Variants in CCT3 observed in about 807,000 individuals in gnomAD.
The protein encoded by CCT3 is T-complex protein 1 subunit gamma.
In CCT3, 10 loss-of-function variants were observed where a neutral mutation model predicts 65.3. That is an observed-to-expected ratio of 0.15 (90% confidence interval 0.09 to 0.26). CCT3 has a LOEUF of 0.26. Ranked by LOEUF, CCT3 falls within the 10% of genes least tolerant of loss-of-function variation. The pLI, the probability that CCT3 is intolerant of heterozygous loss-of-function variation, is 1.00. For synonymous variants in CCT3, 225 were observed against 242.3 expected (o/e 0.93, Z 0.66); for missense variants, 626 against 708.7 (o/e 0.88, Z 1.33).
chr1:156,333,638 T>C lies in CCT3; in HGVS notation c.213A>G (p.Gln71=). The change falls in exon 5 of 14, where the codon CAA becomes CAG. Residue 71 remains glutamine (Q), a synonymous_variant. Coordinates refer to ENST00000295688, the MANE Select transcript of CCT3 (RefSeq NM_005998.5). The part of the protein sequence containing the change: ...NDGNAILREI[Q]VQHPAAKSMI... ...TGGACTTGGCCGCTGGATGCTGGAC[T>C]TGAATCTAAAAAGGTAGATCACTAG... is the stretch of plus-strand genomic sequence containing the variant. 1.9e-6 allele frequency: 3 copies of C among 1,613,740 alleles called. No homozygotes were observed. The highest frequency in any genetic ancestry group is 1.1e-5 in the South Asian group (1 of 91,080).
intron 10 of CCT3, among the ~76,000 whole-genome samples, chr1:156,313,350 G>GAAAAAAAAAAAA (rs58926932): frequency 2.8e-5 from 3 of 106,720 alleles, no homozygotes; most frequent in African/African-American, 3.2e-5. Context: ...AAAAAAAAAA[G>GAAAAAAAAAAAA]AAAAAAAAAA....
intron 6 of CCT3, among the ~76,000 whole-genome samples, chr1:156,323,529 ATC>A (rs1664660684): frequency 6.6e-6 from 1 of 152,038 alleles, no homozygotes; most frequent in Non-Finnish European, 1.5e-5. Flanking sequence ...CAGTGGTGCA[ATC>A]TCTGCTCACT....
chr1:156,320,216 C>T (rs1312532859), intron 7 of CCT3, among the ~76,000 whole-genome samples: 1 of 151,736 alleles, frequency 6.6e-6, no homozygotes, highest in Non-Finnish European at 1.5e-5. Context: ...ACCATCCTGG[C>T]TAACATGGTG....
rs879197742 is a variant in CCT3 at position 156,317,259 on chromosome 1, A to T, written c.893-12T>A. ...GTGCTGAGCTAAATCTACAAATCCA[A>T]GAGTAGAGATGTCAAGCTGGGTTCT... On this transcript the variant is annotated splice_polypyrimidine_tract_variant and intron_variant, in intron 9 of 13. Transcript: ENST00000295688. The T allele has an allele frequency of 6.2e-7, 1 of 1,613,434 alleles. No individual in the cohort carries two copies. Among genetic ancestry groups the T allele is most frequent in the Middle Eastern group, 1.6e-4 (1 of 6,062 alleles).
chr1:156,321,128 G>A, intron 6 of CCT3, 103 bp from the exon 7 acceptor site: 1 of 887,088 alleles, frequency 1.1e-6, no homozygotes. Flanking sequence ...CCAAGAGGCA[G>A]AACAAGGGGA....
intron 2 of CCT3, 81 bp downstream of exon 2, chr1:156,335,746 G>T: frequency 8.7e-7 from 1 of 1,149,942 alleles, no homozygotes; most frequent in Non-Finnish European, 1.3e-6. Context: ...AAGTCTAGAT[G>T]CACAGGACAC....
chr1:156,309,085 G>GC lies in CCT3; in HGVS notation c.*113dup. ...CTGGGACAGAAAGGGACTGGGGGCTGCCCCCCAACCTGATCCCTTCTGAAC... is the reference window on the plus strand; with the variant it reads ...CTGGGACAGAAAGGGACTGGGGGCTGCCCCCCCAACCTGATCCCTTCTGAAC... On this transcript the variant is annotated 3_prime_UTR_variant, in exon 14 of 14. Transcript: ENST00000295688. The GC allele has an allele frequency of 1.4e-6, 1 of 711,960 alleles. No homozygotes were observed. The allele number at this position is 711,960 out of a possible 1,614,324, so 44.1% of individuals were successfully genotyped here.
At position 156,310,561 on chromosome 1, in the gene CCT3, C is replaced by G. The variant is rs1286577794; in HGVS notation, c.1530G>C (p.Val510=). ...TACATATCTTAGGGTGCCTTACCTC[C>G]ACTGCTGTCTTATAAGTCTGCAGCT... ...AVKLQTYKTA[V]ETAVLLLRID... is the part of the protein sequence containing the mutation. Residue 510 remains valine, a synonymous_variant, in exon 13 of 14, where the codon GTG becomes GTC. Transcript: ENST00000295688. 6.2e-7 allele frequency: 1 copy of G among 1,611,762 alleles called. No homozygotes were observed. Among genetic ancestry groups the G allele is most frequent in the Admixed American group, 1.7e-5 (1 of 59,668 alleles).
chr1:156,311,602 C>T (rs1311852447), intron 11 of CCT3, among the ~76,000 whole-genome samples: 1 of 152,160 alleles, frequency 6.6e-6, no homozygotes, highest in African/African-American at 2.4e-5. Context: ...GTACACTCTC[C>T]TACTTACTAG....
At chr1:156,332,020 G>T (rs1422841735) in intron 5 of CCT3, among the ~76,000 whole-genome samples, 2 of 143,356 alleles carry the variant, frequency 1.4e-5, no homozygotes, top group Non-Finnish European at 3.1e-5. Flanking sequence ...CAACAAGAGT[G>T]AGACTCCATC....
intron 4 of CCT3, 60 bp from the exon 5 acceptor site, chr1:156,333,703 T>C: frequency 7.6e-7 from 1 of 1,308,716 alleles, no homozygotes; most frequent in Non-Finnish European, 1.1e-6. Context: ...CTCATGAAGC[T>C]TGGCCCTAAC....
chr1:156,324,955 T>C lies in CCT3; in HGVS notation c.422+17A>G. 1 of 1,532,056 alleles carries C rather than the reference T, an allele frequency of 6.5e-7. No individual in the cohort carries two copies. The highest frequency in any genetic ancestry group is 9.0e-7 in the Non-Finnish European group (1 of 1,105,666). 94.9% of individuals were successfully genotyped at this position (1,532,056 alleles called of 1,614,324 possible). On this transcript the variant is annotated intron_variant, in intron 6 of 13. Transcript: ENST00000295688. ...CCTCTCATATTTGATACTACCTATTTCTTGCCCCCAAGATACCTTATTTTC... is the reference window on the plus strand; with the variant it reads ...CCTCTCATATTTGATACTACCTATTCCTTGCCCCCAAGATACCTTATTTTC...
In CCT3 at chr1:156,311,021, G is replaced by A. The variant is rs1331944994; in HGVS notation, c.1330C>T (p.Leu444=). The change falls in exon 12 of 14, where the codon CTA becomes TTA. Residue 444 remains leucine, a synonymous_variant. Transcript: ENST00000295688. Reference sequence around the variant, plus strand: ...ATCAGGGTACGAGGAATGACCTCTAGGGCCTGGGCAACAGCCCTGTATGGC... The same window carrying A: ...ATCAGGGTACGAGGAATGACCTCTAAGGCCTGGGCAACAGCCCTGTATGGC... ...QWPYRAVAQA[L]EVIPRTLIQN... The A allele has an allele frequency of 6.2e-7, 1 of 1,614,150 alleles. No homozygotes were observed. Among genetic ancestry groups the A allele is most frequent in the Admixed American group, 1.7e-5 (1 of 60,022 alleles).
Position 156,338,068 on chromosome 1 carries a change from T to TG in CCT3, c.31+85dup, listed in dbSNP as rs920944649. The TG allele has an allele frequency of 5.6e-6, 8 of 1,438,674 alleles. No individual in the cohort carries two copies. In the African/African-American group the frequency reaches 9.9e-5, roughly 18 times the overall value. The allele number at this position is 1,438,674 out of a possible 1,614,324, so 89.1% of individuals were successfully genotyped here. ...TTGGAAGGCTCAGTGGCCCGGTCAG[T>TG]GGGGGACGGAGCTGGGGCAACACTG... On this transcript the variant is annotated intron_variant, in intron 1 of 13. Coordinates refer to ENST00000295688, the MANE Select transcript of CCT3 (RefSeq NM_005998.5).
At chr1:156,319,433 A>G (rs951280691) in intron 7 of CCT3, among the ~76,000 whole-genome samples, 2 of 152,086 alleles carry the variant, frequency 1.3e-5, no homozygotes, top group Non-Finnish European at 2.9e-5. Context: ...TCAGGTTTCT[A>G]AAGTACCTTT....
In CCT3 at chr1:156,333,608, G is replaced by A. The variant is rs1412722131; in HGVS notation, c.243C>T (p.Ile81=). Residue 81 remains isoleucine, a synonymous_variant, in exon 5 of 14, where the codon ATC becomes ATT. Transcript: ENST00000295688. ...CTTCATCCTGGGTCCGGCTAATTTC[G>A]ATCATGGACTTGGCCGCTGGATGCT... ...QVQHPAAKSM[I]EISRTQDEEV... 4 of 1,613,806 alleles carry A rather than the reference G, an allele frequency of 2.5e-6. No homozygotes were observed. Among genetic ancestry groups the A allele is most frequent in the Admixed American group, 1.7e-5 (1 of 59,968 alleles).
intron 5 of CCT3, among the ~76,000 whole-genome samples, chr1:156,330,060 C>T (rs1338700136): frequency 6.6e-6 from 1 of 152,070 alleles, no homozygotes. Context: ...TTTTCACATT[C>T]TTAAATCCAT....
At position 156,310,574 on chromosome 1, in the gene CCT3, T is replaced by C; in HGVS notation, c.1517A>G (p.Tyr506Cys). ...GTGCCTTACCTCCACTGCTGTCTTA[T>C]AAGTCTGCAGCTTCACAGCCAATGG... is the stretch of plus-strand genomic sequence containing the variant. ...WEPLAVKLQT[Y>C]KTAVETAVLL... Residue 506 changes from tyrosine to cysteine, a missense_variant, in exon 13 of 14, where the codon TAT (tyrosine) becomes TGT (cysteine). Physicochemically the swap from Tyr to Cys is radical, Grantham distance 194. Coordinates refer to ENST00000295688, the MANE Select transcript of CCT3 (RefSeq NM_005998.5). The C allele has an allele frequency of 6.2e-7, 1 of 1,613,668 alleles. No individual in the cohort carries two copies. Among genetic ancestry groups the C allele is most frequent in the Non-Finnish European group, 8.5e-7 (1 of 1,179,640 alleles).
intron 5 of CCT3, chr1:156,333,293 A>C: frequency 8.4e-6 from 1 of 119,712 alleles, no homozygotes; most frequent in Non-Finnish European, 1.7e-5. Flanking sequence ...CTCTGTCTCA[A>C]AAAAAAAAAA....
Sources: gnomAD v4.1 joint callset for allele counts (sites outside exome capture counted in the v4.1 genomes callset) on GRCh38, gnomAD v4.1.1 for gene constraint, MANE v1.5 for transcripts, NCBI Gene and HGNC (gene_info 2026-07-23, HGNC 2026-07-21) for gene names.